ASAP1: variants seen among roughly 807,000 people sequenced by gnomAD.
ASAP1 encodes ArfGAP with SH3 domain, ankyrin repeat and PH domain 1, also known as arf-GAP with SH3 domain, ANK repeat and PH domain-containing protein 1.
A neutral mutation model predicts 145.2 loss-of-function variants in ASAP1; 43 were observed. The ratio of observed to expected loss-of-function variants is 0.30; its 90% CI spans 0.23 to 0.38. ASAP1 has a LOEUF of 0.38. Ranked by LOEUF, ASAP1 falls within the 10% of genes least tolerant of loss-of-function variation. ASAP1 has a pLI of 1.00. For synonymous variants in ASAP1, 546 were observed against 515.5 expected (o/e 1.06, Z -0.80); for missense variants, 1,018 against 1,355.3 (o/e 0.75, Z 3.91).
intron 9 of ASAP1, among the ~76,000 whole-genome samples, chr8:130,171,125 T>C (rs542736121): frequency 1.1e-4 from 17 of 152,224 alleles, no homozygotes; most frequent in Non-Finnish European, 2.4e-4. Context: ...TGAATACTTC[T>C]GTTTTATCTC....
At chr8:130,290,508 C>A (rs1565176614) in intron 3 of ASAP1, among the ~76,000 whole-genome samples, 1 of 152,194 alleles carries the variant, frequency 6.6e-6, no homozygotes, top group Admixed American at 6.5e-5. Flanking sequence ...AGAGGAGTGA[C>A]CCTGAACCAG....
intron 3 of ASAP1, among the ~76,000 whole-genome samples, chr8:130,310,396 C>A (rs141636210): frequency 0.011 from 1,675 of 152,204 alleles, 29 homozygotes; most frequent in African/African-American, 0.039. Context: ...AACCACCTAT[C>A]AACCTCTCCT....
intron 25 of ASAP1, among the ~76,000 whole-genome samples, chr8:130,086,022 T>C (rs2097492197): frequency 6.6e-6 from 1 of 152,188 alleles, no homozygotes; most frequent in African/African-American, 2.4e-5. Context: ...CAGGGTGCCA[T>C]GCTGCAGATG....
chr8:130,417,508 C>T (rs774793245), intron 1 of ASAP1, among the ~76,000 whole-genome samples: 6 of 151,974 alleles, frequency 3.9e-5, no homozygotes, highest in African/African-American at 9.7e-5. Flanking sequence ...TCCCTTCTCA[C>T]AGTTCAGAGA....
chr8:130,413,243 C>T (rs950654088), intron 1 of ASAP1, among the ~76,000 whole-genome samples: 2 of 152,194 alleles, frequency 1.3e-5, no homozygotes, highest in African/African-American at 2.4e-5. Context: ...CATGTATTTC[C>T]CTTCTAGTTT....
intron 3 of ASAP1, among the ~76,000 whole-genome samples, chr8:130,283,583 G>GAAAAAAAAAAAAAAAAAAAAA (rs745389921): frequency 1.0e-5 from 1 of 98,792 alleles, no homozygotes; most frequent in Non-Finnish European, 1.9e-5. Context: ...CTCCATCACA[G>GAAAAAAAAAAAAAAAAAAAAA]AAAGAAAAAA....
chr8:130,099,205 G>C (rs948778180), intron 24 of ASAP1, among the ~76,000 whole-genome samples: 8 of 150,688 alleles, frequency 5.3e-5, no homozygotes, highest in African/African-American at 2.0e-4. Flanking sequence ...GGTGGACTGA[G>C]TCTCGCTCTG....
chr8:130,118,351 C>A, intron 19 of ASAP1, 105 bp from the exon 20 acceptor site: 2 of 1,325,282 alleles, frequency 1.5e-6, no homozygotes, highest in Non-Finnish European at 2.1e-6. Context: ...CACACCTCTT[C>A]ACTCTCATAT....
chr8:130,270,674 A>C (rs780456180), intron 3 of ASAP1, among the ~76,000 whole-genome samples: 7 of 152,210 alleles, frequency 4.6e-5, no homozygotes, highest in Non-Finnish European at 1.0e-4. Context: ...CTAATATTTG[A>C]GTTTAATAAA....
chr8:130,127,076 A>G (rs1286158349), intron 16 of ASAP1, among the ~76,000 whole-genome samples: 3 of 152,216 alleles, frequency 2.0e-5, no homozygotes, highest in Non-Finnish European at 4.4e-5. Flanking sequence ...GCTGTTGCCA[A>G]TACACTGGTA....
In ASAP1 at chr8:130,358,090, T is replaced by A. The variant is rs1333960419; in HGVS notation, c.113A>T (p.Tyr38Phe). The change falls in exon 3 of 30, where the codon TAC becomes TTC. Residue 38 changes from tyrosine to phenylalanine, a missense_variant. Around this residue, in one of 9 missense-constraint regions of ASAP1, gnomAD observed 106 missense variants for 134.5 expected, o/e 0.79. Coordinates refer to ENST00000518721, the MANE Select transcript of ASAP1 (RefSeq NM_018482.4). The surrounding 1 kb of genome is among the most constrained non-coding windows in gnomAD (Gnocchi z 4.1). ...SEFIAETTED[Y>F]NSPTTSSFTT... ...GAAGCTGGACGTGGTGGGCGAGTTG[T>A]AGTCCTCGGTGGTCTCGGCGATGAA... 3.9e-5 allele frequency: 62 copies of A among 1,610,366 alleles called. No homozygotes were observed. The highest frequency in any genetic ancestry group is 5.2e-5 in the Non-Finnish European group (61 of 1,178,822).
chr8:130,253,739 A>G (rs1278417548), intron 3 of ASAP1, among the ~76,000 whole-genome samples: 4 of 152,238 alleles, frequency 2.6e-5, no homozygotes, highest in African/African-American at 4.8e-5. Flanking sequence ...AATGAGATGT[A>G]CAAAAGTTTG....
At chr8:130,367,368 A>C (rs1387475038) in intron 2 of ASAP1, among the ~76,000 whole-genome samples, 2 of 152,240 alleles carry the variant, frequency 1.3e-5, no homozygotes, top group Non-Finnish European at 2.9e-5. Flanking sequence ...AAGTCCAAGT[A>C]AAAGTAATTT....
intron 3 of ASAP1, among the ~76,000 whole-genome samples, chr8:130,353,423 C>T (rs1233732619): frequency 1.3e-5 from 2 of 152,212 alleles, no homozygotes; most frequent in East Asian, 3.8e-4. Flanking sequence ...TGAAGAAACA[C>T]TAAGCCTCCA....
At chr8:130,239,531 C>T (rs141564350) in intron 3 of ASAP1, among the ~76,000 whole-genome samples, 51 of 152,086 alleles carry the variant, frequency 3.4e-4, no homozygotes, top group Admixed American at 2.0e-3. Flanking sequence ...ATGATATCCG[C>T]GATAGGCTGA....
At chr8:130,080,750 A>C (rs567446507) in intron 25 of ASAP1, among the ~76,000 whole-genome samples, 49 of 152,162 alleles carry the variant, frequency 3.2e-4, no homozygotes, top group Non-Finnish European at 6.5e-4. Flanking sequence ...CTCCTGCCTC[A>C]GCCTCCTGAG....
intron 1 of ASAP1, among the ~76,000 whole-genome samples, chr8:130,414,900 G>A (rs1027820868): frequency 3.3e-5 from 5 of 152,054 alleles, no homozygotes; most frequent in African/African-American, 9.7e-5. Flanking sequence ...AGGATTATGG[G>A]CATACGCCAC....
chr8:130,292,056 G>A (rs1191764597), intron 3 of ASAP1, among the ~76,000 whole-genome samples: 1 of 152,110 alleles, frequency 6.6e-6, no homozygotes, highest in Non-Finnish European at 1.5e-5. Context: ...AACTGAACTC[G>A]AAACTGAAGA....
At chr8:130,130,179 A>G (rs904036683) in intron 15 of ASAP1, among the ~76,000 whole-genome samples, 1 of 152,248 alleles carries the variant, frequency 6.6e-6, no homozygotes, top group Non-Finnish European at 1.5e-5. Flanking sequence ...GGGCCCAAGC[A>G]TTTCAAATAA....
Sources: gnomAD v4.1 joint callset for allele counts (sites outside exome capture counted in the v4.1 genomes callset) on GRCh38, gnomAD v4.1.1 for gene constraint, gnomAD v4.1.1 regional missense constraint, Gnocchi (gnomAD v3.1) non-coding constraint, MANE v1.5 for transcripts, NCBI Gene and HGNC (gene_info 2026-07-23, HGNC 2026-07-21) for gene names.